Variants in PLAC1 observed in about 807,000 individuals in gnomAD.
PLAC1 encodes placenta-specific protein 1.
For synonymous variants in PLAC1, 68 were observed against 62.1 expected (o/e 1.09, Z -0.44); for missense variants, 136 against 163.2 (o/e 0.83, Z 0.91).
chrX:134,574,630 G>T, intron 2 of PLAC1, among the ~76,000 whole-genome samples: 1 of 112,084 alleles, frequency 8.9e-6, no homozygotes, highest in Admixed American at 9.5e-5. Context: ...GACTCCAAGT[G>T]CAGCCAGCAC....
chrX:134,642,040 A>C (rs951866951), intron 1 of PLAC1, among the ~76,000 whole-genome samples: 2 of 111,977 alleles, frequency 1.8e-5, no homozygotes, highest in Admixed American at 1.9e-4. Context: ...TCATGCAGGA[A>C]GCTGCTTTGA....
chrX:134,715,332 T>A (rs1157336651), intron 2 of PLAC1, among the ~76,000 whole-genome samples: 1 of 111,104 alleles, frequency 9.0e-6, no homozygotes, highest in Non-Finnish European at 1.9e-5. Flanking sequence ...TCTACTTGCT[T>A]CTGATTTGGG....
At chrX:134,723,516 G>C (rs765527479) in intron 2 of PLAC1, among the ~76,000 whole-genome samples, 1 of 109,558 alleles carries the variant, frequency 9.1e-6, no homozygotes, top group African/African-American at 3.3e-5. Context: ...CTCTCTCTAT[G>C]TTGCCCAGAG....
chrX:134,725,671 C>G (rs1602938129), intron 2 of PLAC1, among the ~76,000 whole-genome samples: 1 of 112,310 alleles, frequency 8.9e-6, no homozygotes, highest in African/African-American at 3.2e-5. Flanking sequence ...TCATAACCTT[C>G]AAGATAAAGC....
chrX:134,660,976 C>A (rs917392274), upstream of PLAC1, among the ~76,000 whole-genome samples: 6 of 68,696 alleles, frequency 8.7e-5, no homozygotes, highest in African/African-American at 3.6e-4. Context: ...ATCCCAGGAG[C>A]CTTTTTAGAC....
At chrX:134,690,457 C>A (rs914629808) in intron 2 of PLAC1, among the ~76,000 whole-genome samples, 2 of 111,012 alleles carry the variant, frequency 1.8e-5, no homozygotes, top group African/African-American at 3.3e-5. Context: ...AATACCAAGA[C>A]AATATCCCAG....
chrX:134,581,224 G>C (rs988254136), intron 2 of PLAC1, among the ~76,000 whole-genome samples: 4 of 111,404 alleles, frequency 3.6e-5, no homozygotes, highest in African/African-American at 9.8e-5. Flanking sequence ...GAATCAATGG[G>C]CAATGTCTCA....
rs914728797 is a variant in PLAC1 at position 134,652,902 on chromosome X, C to T, written c.-131+5426G>A. 2.7e-5 allele frequency among the ~76,000 whole-genome samples: 3 copies of T among 111,863 alleles called. No homozygotes were observed. In the Admixed American group the frequency reaches 2.8e-4, roughly 11 times the overall value. On this transcript the variant is annotated intron_variant, in intron 1 of 2. Transcript: ENST00000359237. ...ATGCAAAATCCTTGAGGCCTGATCC[C>T]CCAGATGTGAGGTCCGCGGCTGCTC...
At chrX:134,690,938 T>A (rs1208783933) in intron 2 of PLAC1, among the ~76,000 whole-genome samples, 1 of 34,157 alleles carries the variant, frequency 2.9e-5, no homozygotes, top group Non-Finnish European at 4.3e-5. Flanking sequence ...CAAGATTCCG[T>A]CTCAAAAAAA....
intron 2 of PLAC1, among the ~76,000 whole-genome samples, chrX:134,685,647 C>G (rs2078514511): frequency 9.1e-6 from 1 of 110,258 alleles, no homozygotes; most frequent in South Asian, 3.9e-4. Flanking sequence ...GTCGGGGACT[C>G]TATGTACATC....
intron 1 of PLAC1, among the ~76,000 whole-genome samples, chrX:134,736,534 A>G (rs2078703652): frequency 9.0e-6 from 1 of 110,647 alleles, no homozygotes. Flanking sequence ...GAATAAAAGA[A>G]AGGGTTGGCT....
chrX:134,585,663 G>A (rs2077996725), intron 2 of PLAC1, among the ~76,000 whole-genome samples: 1 of 111,223 alleles, frequency 9.0e-6, no homozygotes, highest in Admixed American at 9.5e-5. Context: ...CCTGAGGTGG[G>A]GGTAATTTTG....
chrX:134,756,683 A>G (rs2078758104), intron 1 of PLAC1, among the ~76,000 whole-genome samples: 1 of 109,951 alleles, frequency 9.1e-6, no homozygotes, highest in Non-Finnish European at 1.9e-5. Context: ...CCCCGTCTCT[A>G]CTAAAAATAC....
At chrX:134,732,942 G>A (rs1378123254) in intron 2 of PLAC1, among the ~76,000 whole-genome samples, 1 of 111,254 alleles carries the variant, frequency 9.0e-6, no homozygotes, top group Non-Finnish European at 1.9e-5. Flanking sequence ...GAGAGACGGC[G>A]AGGGGCCCAC....
intron 1 of PLAC1, among the ~76,000 whole-genome samples, chrX:134,609,470 A>G (rs754277685): frequency 2.7e-5 from 3 of 112,153 alleles, no homozygotes; most frequent in Non-Finnish European, 5.6e-5. Flanking sequence ...TTCTTAAAGA[A>G]TGAATAAAAT....
chrX:134,706,966 G>A (rs2078606635), intron 2 of PLAC1, among the ~76,000 whole-genome samples: 1 of 112,072 alleles, frequency 8.9e-6, no homozygotes, highest in Admixed American at 9.5e-5. Context: ...CAAAGTCACA[G>A]AAGGAGAGGG....
chrX:134,667,160 C>A (rs944529606), intron 2 of PLAC1, among the ~76,000 whole-genome samples: 3 of 112,258 alleles, frequency 2.7e-5, no homozygotes, highest in Non-Finnish European at 5.6e-5. Flanking sequence ...TCTATTTTTT[C>A]TTTGATGAAA....
intron 1 of PLAC1, among the ~76,000 whole-genome samples, chrX:134,602,763 C>A (rs1460176130): frequency 9.1e-6 from 1 of 109,494 alleles, no homozygotes; most frequent in Non-Finnish European, 1.9e-5. Flanking sequence ...CTGGAAAAGA[C>A]AAAATTGTAG....
At chrX:134,715,608 C>T (rs888662352) in intron 2 of PLAC1, among the ~76,000 whole-genome samples, 47 of 111,812 alleles carry the variant, frequency 4.2e-4, no homozygotes, top group African/African-American at 1.5e-3. Context: ...TCATTTGTGT[C>T]CTTGGATCTG....
Sources: gnomAD v4.1 joint callset for allele counts (sites outside exome capture counted in the v4.1 genomes callset) on GRCh38, gnomAD v4.1.1 for gene constraint, MANE v1.5 for transcripts, NCBI Gene and HGNC (gene_info 2026-07-23, HGNC 2026-07-21) for gene names.